The following IGFLR1 variants were observed in gnomAD, a reference collection of about 807,000 sequenced individuals.
The protein encoded by IGFLR1 is IGF-like family receptor 1.
Under a neutral mutation model 23.4 loss-of-function variants are expected in IGFLR1, and 17 were observed. The ratio of observed to expected loss-of-function variants is 0.73; its 90% CI spans 0.50 to 1.09. The LOEUF (loss-of-function observed/expected upper bound fraction) is 1.09. Among genes scored for constraint, IGFLR1 ranks in the 50% least tolerant of loss-of-function variants. IGFLR1 has a pLI of 0.00. For synonymous variants in IGFLR1, 265 were observed against 210.7 expected (o/e 1.26, Z -2.23); for missense variants, 556 against 459.2 (o/e 1.21, Z -1.93).
intron 2 of IGFLR1, 69 bp from the exon 3 acceptor site, chr19:35,740,633 C>T: frequency 2.1e-6 from 3 of 1,435,136 alleles, no homozygotes; most frequent in Non-Finnish European, 2.8e-6. Context: ...CCTCTCCCTT[C>T]GCCCTATCCC....
chr19:35,739,299 G>C lies in IGFLR1; in HGVS notation c.1049C>G (p.Ser350Cys), dbSNP rs758651802. 3 of 1,596,612 alleles carry C rather than the reference G, an allele frequency of 1.9e-6. No individual in the cohort carries two copies. Among genetic ancestry groups the C allele is most frequent in the Non-Finnish European group, 2.6e-6 (3 of 1,168,854 alleles). Reference protein sequence around the residue: ...ALRVLSKLGSSGVCWA With the variant: ...ALRVLSKLGSCGVCWA ...TGGGTGTTAAGCCCAGCAAACCCCA[G>C]ATGAGCCAAGCTTGGACAGCACCCG... Residue 350 changes from serine to cysteine, a missense_variant, in exon 5 of 5, where the codon TCT (serine) becomes TGT (cysteine). Transcript: ENST00000246532.
At position 35,739,842 on chromosome 19, in the gene IGFLR1, A is replaced by G; in HGVS notation, c.589T>C (p.Tyr197His). ...LCWPKEKADP[Y>H]PYPGLVCGVP... ...CCGCAGACCAAGCCAGGATAGGGAT[A>G]GGGGTCGGCTTTCTCCTTGGGCCAG... Residue 197 changes from tyrosine to histidine, a missense_variant, in exon 4 of 5, where the codon TAT (tyrosine) becomes CAT (histidine). Physicochemically the swap from Tyr to His is moderately conservative, Grantham distance 83. Transcript: ENST00000246532. 6.2e-7 allele frequency: 1 copy of G among 1,611,918 alleles called. No individual in the cohort carries two copies. The highest frequency in any genetic ancestry group is 1.1e-5 in the South Asian group (1 of 90,978).
In IGFLR1 at chr19:35,738,976, G is replaced by C; in HGVS notation, c.*304C>G. ...CCAAGGAAGTTCATCAGCCTCAACAGGTAGGTGAGGCCATCATTCAGAATT... is the reference window on the plus strand; with the variant it reads ...CCAAGGAAGTTCATCAGCCTCAACACGTAGGTGAGGCCATCATTCAGAATT... On this transcript the variant is annotated 3_prime_UTR_variant, in exon 5 of 5. Transcript: ENST00000246532. The surrounding 1 kb of genome is among the most constrained non-coding windows in gnomAD (Gnocchi z 8.7). 2.1e-6 allele frequency: 1 copy of C among 465,540 alleles called. No individual in the cohort carries two copies. The highest frequency in any genetic ancestry group is 3.8e-6 in the Non-Finnish European group (1 of 261,622). 28.8% of individuals were successfully genotyped at this position (465,540 alleles called of 1,614,324 possible).
In IGFLR1 at chr19:35,738,815, TTTTA is replaced by T; in HGVS notation, c.*461_*464del. The T allele has an allele frequency of 1.9e-6, 1 of 525,662 alleles. No individual in the cohort carries two copies. The highest frequency in any genetic ancestry group is 3.3e-6 in the Non-Finnish European group (1 of 299,270). 32.6% of individuals were successfully genotyped at this position (525,662 alleles called of 1,614,324 possible). ...TAAATCCCTTCTTTTCTATGCACTT[TTTTA>T]TTTAAGAGGTGGGGTCCCAGGTGGG... On this transcript the variant is annotated 3_prime_UTR_variant, in exon 5 of 5. Transcript: ENST00000246532. The surrounding 1 kb of genome is among the most constrained non-coding windows in gnomAD (Gnocchi z 8.7).
chr19:35,741,939 C>G (rs552049522), intron 1 of IGFLR1, among the ~76,000 whole-genome samples: 1 of 152,252 alleles, frequency 6.6e-6, no homozygotes, highest in East Asian at 1.9e-4. Flanking sequence ...TGGTGAAACC[C>G]TGTCTCTATT....
chr19:35,740,946 G>A (rs904361676), intron 2 of IGFLR1, 78 bp downstream of exon 2: 2 of 1,402,038 alleles, frequency 1.4e-6, no homozygotes, highest in African/African-American at 2.8e-5. Context: ...CTGGCCCGTA[G>A]CCCACAGACC....
rs1202745965 is a variant in IGFLR1, at chr19:35,739,761, C to A, written c.670G>T (p.Glu224Ter). 5 of 1,557,722 alleles carry A rather than the reference C, an allele frequency of 3.2e-6. No individual in the cohort carries two copies. The highest frequency in any genetic ancestry group is 4.4e-6 in the Non-Finnish European group (5 of 1,148,778). The change falls in exon 4 of 5, where the codon GAG (glutamate) becomes TAG (stop). Residue 224 changes from glutamate (E) to a stop codon, truncating the protein, a stop_gained. Transcript: ENST00000246532. LOFTEE classifies it high-confidence loss of function. ...SSHLSSPGALETGDTWKEASL... is the reference protein window; with the variant it reads ...SSHLSSPGAL ...GCCTCCTTCCATGTGTCCCCTGTCT[C>A]CAGGGCGCCTGGGGAGGACAGATGC...
chr19:35,742,288 G>A, intron 1 of IGFLR1, 108 bp downstream of exon 1: 1 of 867,528 alleles, frequency 1.2e-6, no homozygotes, highest in Non-Finnish European at 1.6e-6. Context: ...AATCTCCTTG[G>A]GGCTAGGGCT....
intron 3 of IGFLR1, 84 bp downstream of exon 3, chr19:35,740,296 C>G: frequency 7.1e-7 from 1 of 1,407,386 alleles, no homozygotes; most frequent in Non-Finnish European, 9.4e-7. Flanking sequence ...CGGCCCCACC[C>G]CTTACGTGGG....
rs1166441419 is a variant in IGFLR1 at position 35,739,027 on chromosome 19, G to A, written c.*253C>T. On this transcript the variant is annotated 3_prime_UTR_variant, in exon 5 of 5. Coordinates refer to ENST00000246532, the MANE Select transcript of IGFLR1 (RefSeq NM_024660.4). Reference sequence around the variant, plus strand: ...AGAAGTCAGTCATGGGGTCTGTTACGGCTTCAGAACAACACAACACAGCAA... The same window carrying A: ...AGAAGTCAGTCATGGGGTCTGTTACAGCTTCAGAACAACACAACACAGCAA... 2.6e-5 allele frequency: 14 copies of A among 534,546 alleles called. No homozygotes were observed. Among genetic ancestry groups the A allele is most frequent in the Admixed American group, 7.1e-5 (2 of 27,998 alleles). 33.1% of individuals were successfully genotyped at this position (534,546 alleles called of 1,614,324 possible). A position where few individuals can be genotyped will look rare whatever the true frequency, so the allele number is the denominator to read the frequency against.
Position 35,739,490 on chromosome 19 carries a change from G to T in IGFLR1, c.858C>A (p.Ala286=). 1 of 1,613,976 alleles carries T rather than the reference G, an allele frequency of 6.2e-7. No homozygotes were observed. The highest frequency in any genetic ancestry group is 1.1e-5 in the South Asian group (1 of 91,084). ...AGGCAGCAGGCAGCCCATATCTTGC[G>T]GCCAGGTGTCGAGTAGTGCCATGGG... ...GMAHGTTRHL[A]ARYGLPAAWS... is the part of the protein sequence containing the mutation. Residue 286 remains alanine, a synonymous_variant, in exon 5 of 5, where the codon GCC becomes GCA. Coordinates refer to ENST00000246532, the MANE Select transcript of IGFLR1 (RefSeq NM_024660.4).
In IGFLR1 at chr19:35,739,301, T is replaced by A; in HGVS notation, c.1047A>T (p.Ser349=). Residue 349 remains serine, a synonymous_variant, in exon 5 of 5, where the codon TCA becomes TCT. Transcript: ENST00000246532. ...DALRVLSKLG[S]SGVCWA ...GGTGTTAAGCCCAGCAAACCCCAGATGAGCCAAGCTTGGACAGCACCCGCA... is the reference window on the plus strand; with the variant it reads ...GGTGTTAAGCCCAGCAAACCCCAGAAGAGCCAAGCTTGGACAGCACCCGCA... 6.3e-7 allele frequency: 1 copy of A among 1,597,300 alleles called. No homozygotes were observed.
In IGFLR1 at chr19:35,739,831, AGGATAG is replaced by A. The variant is rs776100670; in HGVS notation, c.594_599del (p.Tyr199_Pro200del). On this transcript the variant is annotated inframe_deletion, in exon 4 of 5. Coordinates refer to ENST00000246532, the MANE Select transcript of IGFLR1 (RefSeq NM_024660.4). The stretch of plus-strand genomic sequence containing the variant: ...TGTTGGGGACTCCGCAGACCAAGCC[AGGATAG>A]GGATAGGGGTCGGCTTTCTCCTTGG... The A allele has an allele frequency of 1.7e-5, 28 of 1,608,518 alleles. No individual in the cohort carries two copies. The highest frequency in any genetic ancestry group is 2.4e-5 in the Non-Finnish European group (28 of 1,175,724).
At chr19:35,740,900 A>G (rs943738971) in intron 2 of IGFLR1, 124 bp downstream of exon 2, 11 of 900,284 alleles carry the variant, frequency 1.2e-5, no homozygotes, top group Non-Finnish European at 1.7e-5. Context: ...TCTGATCTGC[A>G]TAAGGCCCAC....
Position 35,739,158 on chromosome 19 carries a change from C to G in IGFLR1, c.*122G>C. 9.9e-7 allele frequency: 1 copy of G among 1,007,096 alleles called. No homozygotes were observed. Among genetic ancestry groups the G allele is most frequent in the Non-Finnish European group, 1.4e-6 (1 of 697,504 alleles). The allele number at this position is 1,007,096 out of a possible 1,614,324, so 62.4% of individuals were successfully genotyped here. On this transcript the variant is annotated 3_prime_UTR_variant, in exon 5 of 5. Coordinates refer to ENST00000246532, the MANE Select transcript of IGFLR1 (RefSeq NM_024660.4). ...TGTGTGTATGTTGGAATAGGCCCTTCTAGGGCGAAGAGCAGTGAGGCTATC... is the reference window on the plus strand; with the variant it reads ...TGTGTGTATGTTGGAATAGGCCCTTGTAGGGCGAAGAGCAGTGAGGCTATC...
Position 35,739,463 on chromosome 19 carries a change from C to CCAGGCAG in IGFLR1, c.878_884dup (p.Trp295CysfsTer22), listed in dbSNP as rs758941645. The CCAGGCAG allele has an allele frequency of 1.9e-6, 3 of 1,613,952 alleles. No homozygotes were observed. The highest frequency in any genetic ancestry group is 2.5e-6 in the Non-Finnish European group (3 of 1,179,982). Reference sequence around the variant, plus strand: ...GCCTCAGCGAATAGGCAAAGGTGGACCAGGCAGCAGGCAGCCCATATCTTG... The same window carrying CCAGGCAG: ...GCCTCAGCGAATAGGCAAAGGTGGACCAGGCAGCAGGCAGCAGGCAGCCCATATCTTG... On this transcript the variant is annotated frameshift_variant, in exon 5 of 5. Transcript: ENST00000246532. LOFTEE classifies it low-confidence loss of function (END_TRUNC).
rs923576443 is a variant in IGFLR1, at chr19:35,739,216, C to G, written c.*64G>C. 7.2e-7 allele frequency: 1 copy of G among 1,392,002 alleles called. No homozygotes were observed. Among genetic ancestry groups the G allele is most frequent in the Non-Finnish European group, 9.7e-7 (1 of 1,035,652 alleles). The allele number at this position is 1,392,002 out of a possible 1,614,324, so 86.2% of individuals were successfully genotyped here. A position where few individuals can be genotyped will look rare whatever the true frequency, so the allele number is the denominator to read the frequency against. ...TCTTTGCCCAATTAGGATTGTACTT[C>G]AAGAAGTACTTCAGTGCTAATTGTA... On this transcript the variant is annotated 3_prime_UTR_variant, in exon 5 of 5. Transcript: ENST00000246532.
At position 35,738,936 on chromosome 19, in the gene IGFLR1, C is replaced by T; in HGVS notation, c.*344G>A. 1 of 451,638 alleles carries T rather than the reference C, an allele frequency of 2.2e-6. No homozygotes were observed. Among genetic ancestry groups the T allele is most frequent in the Non-Finnish European group, 4.0e-6 (1 of 252,894 alleles). 28.0% of individuals were successfully genotyped at this position (451,638 alleles called of 1,614,324 possible). ...CAGGTAGGAACCCCACTTCTACACA[C>T]CCACCCATCATGACCCAAGGAAGTT... is the stretch of plus-strand genomic sequence containing the variant. On this transcript the variant is annotated 3_prime_UTR_variant, in exon 5 of 5. Coordinates refer to ENST00000246532, the MANE Select transcript of IGFLR1 (RefSeq NM_024660.4). The surrounding 1 kb of genome is among the most constrained non-coding windows in gnomAD (Gnocchi z 8.7).
At chr19:35,740,795 C>A in intron 2 of IGFLR1, 1 of 514,210 alleles carries the variant, frequency 1.9e-6, no homozygotes, top group Non-Finnish European at 3.3e-6. Context: ...CCCACCCTTT[C>A]CACGCGGCCC....
Sources: allele counts gnomAD v4.1 joint callset (sites outside exome capture counted in the v4.1 genomes callset), GRCh38; gene constraint gnomAD v4.1.1; non-coding constraint Gnocchi (gnomAD v3.1); transcripts MANE v1.5; gene names NCBI Gene and HGNC (gene_info 2026-07-23, HGNC 2026-07-21).